Variants in TENM2 observed in about 807,000 individuals in gnomAD.
TENM2 encodes teneurin-2.
A neutral mutation model predicts 245.2 loss-of-function variants in TENM2; 52 were observed. That is an observed-to-expected ratio of 0.21 (90% confidence interval 0.17 to 0.27). The LOEUF (loss-of-function observed/expected upper bound fraction) is 0.27. TENM2 is among the 10% of genes least tolerant of loss of function. The pLI, the probability that TENM2 is intolerant of heterozygous loss-of-function variation, is 1.00. For missense variants in TENM2, 3,046 were observed against 3,666.8 expected (o/e 0.83, Z 4.37); for synonymous variants, 1,363 against 1,438.9 (o/e 0.95, Z 1.19).
chr5:167,897,075 G>A (rs911658526), intron 3 of TENM2, among the ~76,000 whole-genome samples: 10 of 152,150 alleles, frequency 6.6e-5, no homozygotes, highest in East Asian at 1.9e-4. Context: ...ATTCTATCAC[G>A]CATCAAAGAA....
intron 2 of TENM2, among the ~76,000 whole-genome samples, chr5:167,443,796 A>C (rs6884191): frequency 0.67 from 102,243 of 151,892 alleles, 34,703 homozygotes; most frequent in South Asian, 0.78. Flanking sequence ...TGTCACCTTT[A>C]ACTTGAAAAC....
the TENM2 span, among the ~76,000 whole-genome samples, chr5:167,253,272 A>G: frequency 7.1e-6 from 1 of 140,032 alleles, no homozygotes; most frequent in Non-Finnish European, 1.6e-5. Flanking sequence ...TTTTTTTTTA[A>G]TTTTTCATAC....
At chr5:167,505,515 T>C (rs1432881) in intron 2 of TENM2, among the ~76,000 whole-genome samples, 82,494 of 151,850 alleles carry the variant, frequency 0.54, 23,063 homozygotes, top group South Asian at 0.66. Flanking sequence ...ACTGTAGTTA[T>C]TATATGAAAG....
intron 2 of TENM2, among the ~76,000 whole-genome samples, chr5:167,617,372 A>T (rs1003718741): frequency 3.3e-5 from 5 of 152,180 alleles, no homozygotes; most frequent in Non-Finnish European, 4.4e-5. Flanking sequence ...ACGTAAAATG[A>T]TCTTGGAGAA....
chr5:168,238,224 G>GAAAAGAA (rs1183784056), intron 25 of TENM2, among the ~76,000 whole-genome samples: 12 of 51,886 alleles, frequency 2.3e-4, no homozygotes, highest in Admixed American at 3.8e-4. Flanking sequence ...GGAGAGAGAA[G>GAAAAGAA]AAAAGAAAAG....
In TENM2 at chr5:167,807,678, G is replaced by A. The variant is rs139662488; in HGVS notation, c.503-68308G>A. 5.3e-3 allele frequency among the ~76,000 whole-genome samples: 806 copies of A among 151,446 alleles called. 13 individuals are homozygous for A. Among genetic ancestry groups the A allele is most frequent in the African/African-American group, 0.019 (765 of 41,260 alleles). On this transcript the variant is annotated intron_variant, in intron 2 of 28. Coordinates refer to ENST00000518659, the Ensembl canonical transcript of TENM2. ...TTAAAATATGACATGTGTGACTTAG[G>A]GAAGAGGCAGAATAATAGCAAGTTG...
At chr5:167,950,687 T>C (rs538812053) in intron 3 of TENM2, among the ~76,000 whole-genome samples, 1 of 152,282 alleles carries the variant, frequency 6.6e-6, no homozygotes, top group East Asian at 1.9e-4. Context: ...CCCTGAAGGA[T>C]CATTATTACA....
chr5:168,152,547 A>G (rs1297022813), intron 12 of TENM2, among the ~76,000 whole-genome samples: 2 of 152,158 alleles, frequency 1.3e-5, no homozygotes, highest in African/African-American at 4.8e-5. Context: ...TGGATGGTTA[A>G]AAATAACAAA....
At chr5:167,517,874 C>T (rs958023161) in intron 2 of TENM2, among the ~76,000 whole-genome samples, 2 of 151,924 alleles carry the variant, frequency 1.3e-5, no homozygotes, top group African/African-American at 4.8e-5. Flanking sequence ...GAGAGAGAGT[C>T]AGATCTTCCC....
chr5:167,442,261 T>C (rs577017509), intron 2 of TENM2, among the ~76,000 whole-genome samples: 15 of 152,342 alleles, frequency 9.8e-5, no homozygotes, highest in African/African-American at 3.6e-4. Flanking sequence ...TTTAACTGTT[T>C]CTAGCATTAC....
chr5:167,518,511 G>T (rs935572759), intron 2 of TENM2, among the ~76,000 whole-genome samples: 2 of 152,008 alleles, frequency 1.3e-5, no homozygotes, highest in Admixed American at 1.3e-4. Context: ...ATTGTATATG[G>T]CACAATCTGA....
chr5:167,284,633 T>C (rs1454108180), upstream of TENM2, among the ~76,000 whole-genome samples: 1 of 152,228 alleles, frequency 6.6e-6, no homozygotes, highest in African/African-American at 2.4e-5. Flanking sequence ...CATTAAACTT[T>C]TGCAAAAGAG....
At chr5:167,226,829 C>G in the TENM2 span, among the ~76,000 whole-genome samples, 1 of 151,830 alleles carries the variant, frequency 6.6e-6, no homozygotes. Context: ...TTCTTTAGAT[C>G]TAGTGACATT....
chr5:167,484,871 A>G (rs1263728248), intron 2 of TENM2, among the ~76,000 whole-genome samples: 1 of 152,246 alleles, frequency 6.6e-6, no homozygotes, highest in Admixed American at 6.5e-5. Context: ...GATAGGAAAG[A>G]TATTGCATGC....
intron 7 of TENM2, among the ~76,000 whole-genome samples, chr5:168,072,015 T>G (rs1791050772): frequency 6.6e-6 from 1 of 152,204 alleles, no homozygotes; most frequent in African/African-American, 2.4e-5. Flanking sequence ...TCGTTAGGGC[T>G]TGGGAAGTCA....
chr5:168,004,517 G>GCACACACACA (rs550787443), intron 5 of TENM2, among the ~76,000 whole-genome samples: 14 of 132,150 alleles, frequency 1.1e-4, no homozygotes, highest in East Asian at 2.5e-4. Context: ...GCGCGCGCGC[G>GCACACACACA]CACACACACA....
chr5:167,676,792 C>G (rs1275114331), intron 2 of TENM2, among the ~76,000 whole-genome samples: 1 of 152,044 alleles, frequency 6.6e-6, no homozygotes, highest in Non-Finnish European at 1.5e-5. Flanking sequence ...ACAATGCTTC[C>G]TAGAATTAAA....
In TENM2 at chr5:168,162,519, C is replaced by T; in HGVS notation, c.2423-92C>T. 5 of 1,409,796 alleles carry T rather than the reference C, an allele frequency of 3.5e-6. No homozygotes were observed. The South Asian group carries it at 6.7e-5, about 19-fold the overall frequency. 87.3% of individuals were successfully genotyped at this position (1,409,796 alleles called of 1,614,324 possible). On this transcript the variant is annotated intron_variant, in intron 12 of 28. Transcript: ENST00000518659. ...CACTGTGAGGCTGGCCCAGCGGCTGCCCTGCGGCCTTGCTCCCCTCTGCAT... is the reference window on the plus strand; with the variant it reads ...CACTGTGAGGCTGGCCCAGCGGCTGTCCTGCGGCCTTGCTCCCCTCTGCAT...
intron 13 of TENM2, chr5:168,165,753 C>T (rs758179058): frequency 1.2e-4 from 9 of 74,490 alleles, no homozygotes; most frequent in Non-Finnish European, 1.9e-4. Flanking sequence ...GGCCTTGTTA[C>T]GGGAACTGTT....
Sources: gnomAD v4.1 joint callset for allele counts (sites outside exome capture counted in the v4.1 genomes callset) on GRCh38, gnomAD v4.1.1 for gene constraint, MANE v1.5 for transcripts, NCBI Gene and HGNC (gene_info 2026-07-23, HGNC 2026-07-21) for gene names.